NEXN: variants seen among roughly 807,000 people sequenced by gnomAD.
The protein encoded by NEXN is nexilin.
In NEXN, 65 loss-of-function variants were observed where a neutral mutation model predicts 92.6. The observed-to-expected ratio is 0.70, with a 90% CI of 0.57 to 0.86. NEXN has a LOEUF of 0.86. Ranked by LOEUF, NEXN falls within the 40% of genes least tolerant of loss-of-function variation. The probability of loss-of-function intolerance (pLI) is 0.00; values close to 1 mark genes in which losing one functional copy is unlikely to be tolerated. For synonymous variants in NEXN, 254 were observed against 242.5 expected, an observed-to-expected ratio of 1.05 and a Z score of -0.44; for missense variants, 778 against 771.1, an observed-to-expected ratio of 1.01 and a Z score of -0.11.
chr1:77,927,922 T>C (rs1649990938), intron 8 of NEXN, among the ~76,000 whole-genome samples: 1 of 152,128 alleles, frequency 6.6e-6, no homozygotes. Context: ...TACTAAGTTC[T>C]TTGAAAATGT....
chr1:77,939,856 C>T (rs1651107188), intron 11 of NEXN, among the ~76,000 whole-genome samples: 1 of 152,102 alleles, frequency 6.6e-6, no homozygotes, highest in Non-Finnish European at 1.5e-5. Flanking sequence ...GGCGGATCAC[C>T]TGAGGTCAGG....
At chr1:77,942,333 T>A in intron 12 of NEXN, 125 bp downstream of exon 12, 1 of 1,364,336 alleles carries the variant, frequency 7.3e-7, no homozygotes, top group Non-Finnish European at 1.0e-6. Context: ...TACTGTTAAG[T>A]ACACTTTGTA....
At chr1:77,931,084 C>T (rs536527145) in intron 9 of NEXN, among the ~76,000 whole-genome samples, 2 of 152,072 alleles carry the variant, frequency 1.3e-5, no homozygotes, top group Admixed American at 6.6e-5. Context: ...GGAGAATAAG[C>T]AGGTTTAGAA....
Position 77,895,029 on chromosome 1 carries a change from A to ATT in NEXN, c.-53+6302_-53+6303dup, listed in dbSNP as rs559226754. 8.9e-3 allele frequency among the ~76,000 whole-genome samples: 548 copies of ATT among 61,656 alleles called. 29 individuals carry two copies. The highest frequency in any genetic ancestry group is 0.011 in the Non-Finnish European group (363 of 34,174). The allele number at this position is 61,656 out of a possible 152,430, so 40.4% of individuals were successfully genotyped here. ...CCATCCATGGCCAGCCTATAGTGTA[A>ATT]TTTTTTTTTTTTTTTTTTTTTTTTT... On this transcript the variant is annotated intron_variant, in intron 1 of 12. Transcript: ENST00000334785.
At chr1:77,924,144 T>C (rs141722349) in intron 5 of NEXN, 4,576 of 173,030 alleles carry the variant, frequency 0.026, 106 homozygotes, top group South Asian at 0.082. Context: ...CGCAGATCAC[T>C]TGGGGTCAGG....
intron 11 of NEXN, among the ~76,000 whole-genome samples, chr1:77,939,795 G>C (rs1421480466): frequency 2.0e-5 from 3 of 152,172 alleles, no homozygotes; most frequent in African/African-American, 7.2e-5. Flanking sequence ...GTTAGCGGCT[G>C]AGCGCGGTGG....
intron 9 of NEXN, chr1:77,931,790 T>G (rs1021824531): frequency 6.6e-6 from 1 of 152,212 alleles, no homozygotes; most frequent in African/African-American, 2.4e-5. Context: ...TTGAAATAGT[T>G]CTGTGGTAAA....
chr1:77,922,817 G>C (rs1049264102), intron 5 of NEXN, among the ~76,000 whole-genome samples: 2 of 148,204 alleles, frequency 1.3e-5, no homozygotes, highest in East Asian at 4.1e-4. Flanking sequence ...GGACAGTCTC[G>C]ATCTCCTGAT....
chr1:77,896,063 C>T (rs180737489), intron 1 of NEXN, among the ~76,000 whole-genome samples: 36 of 150,856 alleles, frequency 2.4e-4, no homozygotes, highest in Admixed American at 2.1e-3. Context: ...CCCAGCTATT[C>T]GGGAGGCTGA....
chr1:77,911,994 G>C (rs1648620749), intron 1 of NEXN, among the ~76,000 whole-genome samples: 2 of 150,918 alleles, frequency 1.3e-5, no homozygotes, highest in Non-Finnish European at 2.9e-5. Flanking sequence ...CAGGAGAATT[G>C]CTTGAACCCG....
At chr1:77,904,159 A>T (rs1647928719) in intron 1 of NEXN, among the ~76,000 whole-genome samples, 1 of 151,836 alleles carries the variant, frequency 6.6e-6, no homozygotes, top group Non-Finnish European at 1.5e-5. Context: ...CACCCAGCTA[A>T]TTTTTGTATT....
intron 11 of NEXN, among the ~76,000 whole-genome samples, chr1:77,937,427 G>A (rs145916563): frequency 0.087 from 13,172 of 151,316 alleles, 668 homozygotes; most frequent in African/African-American, 0.15. Flanking sequence ...GGTGGCTCAC[G>A]CCTGTAATCC....
chr1:77,923,823 G>A (rs1037343717), intron 5 of NEXN, among the ~76,000 whole-genome samples: 12 of 151,654 alleles, frequency 7.9e-5, no homozygotes, highest in Admixed American at 2.0e-4. Flanking sequence ...GACTACAGGC[G>A]TGTGCCACCA....
chr1:77,917,779 C>A, intron 3 of NEXN, 22 bp downstream of exon 3: 1 of 1,578,612 alleles, frequency 6.3e-7, no homozygotes, highest in South Asian at 1.1e-5. Context: ...TTACTTTATT[C>A]TCGTGAAAAT....
intron 8 of NEXN, among the ~76,000 whole-genome samples, chr1:77,928,325 A>C (rs563324450): frequency 6.6e-5 from 10 of 151,556 alleles, no homozygotes; most frequent in African/African-American, 2.4e-4. Flanking sequence ...AAAAAAAAAA[A>C]GGATCTAAAA....
rs566056384 is a variant in NEXN at position 77,920,750 on chromosome 1, G to A, written c.447+2477G>A. ...TGTTTATCTTTGAGGATACCCTGAT[G>A]AGCAAAGTTAAAGTCCATCAGCTTA... On this transcript the variant is annotated intron_variant, in intron 5 of 12. Coordinates refer to ENST00000334785, the MANE Select transcript of NEXN (RefSeq NM_144573.4). Among the ~76,000 whole-genome samples the A allele has an allele frequency of 1.2e-4, 18 of 152,140 alleles. No homozygotes were observed. In the South Asian group the frequency reaches 3.7e-3, roughly 32 times the overall value.
intron 1 of NEXN, among the ~76,000 whole-genome samples, chr1:77,913,020 G>T (rs1019855945): frequency 1.3e-5 from 2 of 152,188 alleles, no homozygotes; most frequent in Admixed American, 1.3e-4. Flanking sequence ...TAGACTTGGA[G>T]AAAATATTTG....
chr1:77,910,461 T>C (rs1648470906), intron 1 of NEXN, among the ~76,000 whole-genome samples: 1 of 151,980 alleles, frequency 6.6e-6, no homozygotes, highest in Non-Finnish European at 1.5e-5. Context: ...ATAGAACTAA[T>C]AAGTTATTAG....
chr1:77,921,909 G>A (rs1649449230), intron 5 of NEXN, among the ~76,000 whole-genome samples: 1 of 152,154 alleles, frequency 6.6e-6, no homozygotes, highest in Middle Eastern at 3.4e-3. Context: ...GCAAGACCCT[G>A]CTGTCTCTAC....
Sources: allele counts gnomAD v4.1 joint callset (sites outside exome capture counted in the v4.1 genomes callset), GRCh38; gene constraint gnomAD v4.1.1; transcripts MANE v1.5; gene names NCBI Gene and HGNC (gene_info 2026-07-23, HGNC 2026-07-21).